The following DLC1 variants were observed in gnomAD, a reference collection of about 807,000 sequenced individuals.
DLC1 encodes DLC1 Rho GTPase activating protein, also known as rho GTPase-activating protein 7.
In DLC1, 54 loss-of-function variants were observed where a neutral mutation model predicts 140.3. The ratio of observed to expected loss-of-function variants is 0.38; its 90% CI spans 0.31 to 0.48. DLC1 has a LOEUF of 0.48. Ranked by LOEUF, DLC1 falls within the 20% of genes least tolerant of loss-of-function variation. DLC1 has a pLI of 0.96. For missense variants in DLC1, 2,536 were observed against 1,907.0 expected (o/e 1.33, Z -6.14); for synonymous variants, 986 against 728.1 (o/e 1.35, Z -5.70).
At chr8:13,202,270 C>A (rs1018289814) in intron 5 of DLC1, among the ~76,000 whole-genome samples, 1 of 151,926 alleles carries the variant, frequency 6.6e-6, no homozygotes, top group African/African-American at 2.4e-5. Flanking sequence ...AAATTTAAAA[C>A]GTTTTAATAA....
chr8:13,350,893 T>C (rs942305409), intron 4 of DLC1, among the ~76,000 whole-genome samples: 14 of 152,320 alleles, frequency 9.2e-5, no homozygotes, highest in African/African-American at 3.4e-4. Flanking sequence ...CTCATTCTTT[T>C]GAGATCTTGT....
intron 5 of DLC1, among the ~76,000 whole-genome samples, chr8:13,251,564 C>G (rs1322550139): frequency 1.3e-5 from 2 of 152,118 alleles, no homozygotes; most frequent in Non-Finnish European, 2.9e-5. Context: ...AGGCAAGGTC[C>G]TTGGATACAG....
At chr8:13,086,990 AC>A (rs977315513) in intron 16 of DLC1, among the ~76,000 whole-genome samples, 7 of 152,034 alleles carry the variant, frequency 4.6e-5, no homozygotes, top group Admixed American at 6.6e-5. Flanking sequence ...ACAAAGTGAT[AC>A]CCCCCCATCT....
intron 5 of DLC1, among the ~76,000 whole-genome samples, chr8:13,123,992 A>G (rs1821342391): frequency 6.6e-6 from 1 of 152,230 alleles, no homozygotes; most frequent in Non-Finnish European, 1.5e-5. Flanking sequence ...TCATGCATAT[A>G]AACACGTGTC....
chr8:13,191,157 A>G (rs1427938781), intron 5 of DLC1, among the ~76,000 whole-genome samples: 2 of 152,244 alleles, frequency 1.3e-5, no homozygotes, highest in African/African-American at 4.8e-5. Context: ...GCCTCTTCGT[A>G]GCCACATGAT....
rs555796835 is a variant in DLC1, at chr8:13,185,288, TTTTGTTTG to T, written c.1349-69639_1349-69632del. Among the ~76,000 whole-genome samples the T allele has an allele frequency of 2.8e-4, 41 of 144,464 alleles. 1 individual carries two copies. Among genetic ancestry groups the T allele is most frequent in the South Asian group, 1.6e-3 (7 of 4,508 alleles). The allele number at this position is 144,464 out of a possible 152,430, so 94.8% of individuals were successfully genotyped here. A position where few individuals can be genotyped will look rare whatever the true frequency, so the allele number is the denominator to read the frequency against. On this transcript the variant is annotated intron_variant, in intron 5 of 17. Coordinates refer to ENST00000276297, the MANE Select transcript of DLC1 (RefSeq NM_182643.3). ...TGCCAGTCTGTGTCTTTTCTGTTTTTTTTGTTTGTTTGTTTGTTTGTTTGTTTGTTTGT... is the reference window on the plus strand; with the variant it reads ...TGCCAGTCTGTGTCTTTTCTGTTTTTTTTGTTTGTTTGTTTGTTTGTTTGT...
chr8:13,564,642 T>G (rs1210791498), intron 1 of DLC1, among the ~76,000 whole-genome samples: 2 of 152,164 alleles, frequency 1.3e-5, no homozygotes, highest in Non-Finnish European at 2.9e-5. Flanking sequence ...GAAAGTTTGC[T>G]TTTCTCCCTC....
intron 1 of DLC1, among the ~76,000 whole-genome samples, chr8:13,538,263 G>A (rs1214178254): frequency 2.0e-5 from 3 of 151,974 alleles, no homozygotes; most frequent in African/African-American, 7.3e-5. Context: ...GATATTGAGT[G>A]TGGCTCAAGC....
intron 1 of DLC1, among the ~76,000 whole-genome samples, chr8:13,534,319 A>G (rs939961981): frequency 6.7e-6 from 1 of 150,298 alleles, no homozygotes; most frequent in Non-Finnish European, 1.5e-5. Context: ...ATTAATAATA[A>G]GAACTGTATT....
intron 4 of DLC1, among the ~76,000 whole-genome samples, chr8:13,323,501 A>G (rs1833211250): frequency 6.6e-6 from 1 of 152,146 alleles, no homozygotes; most frequent in Non-Finnish European, 1.5e-5. Flanking sequence ...TTCTTGCATC[A>G]TTCTTTGCAG....
chr8:13,343,175 C>T (rs1187780665), intron 4 of DLC1, among the ~76,000 whole-genome samples: 1 of 152,162 alleles, frequency 6.6e-6, no homozygotes, highest in Non-Finnish European at 1.5e-5. Context: ...ATTTATGATT[C>T]TTCAGTGATT....
intron 4 of DLC1, among the ~76,000 whole-genome samples, chr8:13,331,862 G>A (rs1833603138): frequency 6.6e-6 from 1 of 152,112 alleles, no homozygotes; most frequent in African/African-American, 2.4e-5. Context: ...CTCACTCCTT[G>A]TTTTAAGTGG....
intron 4 of DLC1, among the ~76,000 whole-genome samples, chr8:13,359,696 A>C (rs1835130873): frequency 6.6e-6 from 1 of 152,220 alleles, no homozygotes; most frequent in Admixed American, 6.5e-5. Context: ...GGAATTTTCA[A>C]AGTATACTTA....
chr8:13,095,149 T>G lies in DLC1; in HGVS notation c.3264A>C (p.Gly1088=). ...GCTGGATGCTCTGAGGCAACGGTTG[T>G]CCTGTGCGCTGCACGTTGACCGTCA... is the stretch of plus-strand genomic sequence containing the variant. The part of the protein sequence containing the change: ...VPLTVNVQRT[G]QPLPQSIQQA... The change falls in exon 11 of 18, where the codon GGA becomes GGC. Residue 1088 remains glycine, a synonymous_variant. Transcript: ENST00000276297. 1 of 1,614,242 alleles carries G rather than the reference T, an allele frequency of 6.2e-7. No homozygotes were observed. Among genetic ancestry groups the G allele is most frequent in the Non-Finnish European group, 8.5e-7 (1 of 1,180,050 alleles).
chr8:13,084,838 G>T lies in DLC1; in HGVS notation c.*973C>A, dbSNP rs537472909. 7.9e-5 allele frequency: 12 copies of T among 152,276 alleles called. No individual in the cohort carries two copies. In the East Asian group the frequency reaches 1.7e-3, roughly 22 times the overall value. 9.4% of individuals were successfully genotyped at this position (152,276 alleles called of 1,614,324 possible). A position where few individuals can be genotyped will look rare whatever the true frequency, so the allele number is the denominator to read the frequency against. On this transcript the variant is annotated 3_prime_UTR_variant, in exon 18 of 18. Transcript: ENST00000276297. ...ATATTCCCAAACATAGTGTCTTAAG[G>T]CGTTTCTGTTACAAACACAAAAATG...
chr8:13,527,161 A>G (rs962169165), intron 1 of DLC1, among the ~76,000 whole-genome samples: 1 of 152,178 alleles, frequency 6.6e-6, no homozygotes, highest in African/African-American at 2.4e-5. Context: ...GCTTTACTCC[A>G]TAGGATACAA....
At chr8:13,365,844 T>C (rs1383536858) in intron 4 of DLC1, among the ~76,000 whole-genome samples, 1 of 152,028 alleles carries the variant, frequency 6.6e-6, no homozygotes, top group Non-Finnish European at 1.5e-5. Flanking sequence ...AAAATAAATA[T>C]ATACAAGGAG....
rs140370298 is a variant in DLC1, at chr8:13,579,792, T to G, written c.-126+24745A>C. 1.4e-3 allele frequency among the ~76,000 whole-genome samples: 213 copies of G among 151,776 alleles called. 1 individual carries two copies. The highest frequency in any genetic ancestry group is 4.9e-3 in the African/African-American group (202 of 41,374). On this transcript the variant is annotated intron_variant, in intron 1 of 1. Transcript: ENST00000631382. ...TGTAGTGTCCTAGTGAGCCCACTGC[T>G]TTTAGAAGTGTGGCCCTCTGCATAG...
At chr8:13,552,536 C>G (rs1803901928) in intron 1 of DLC1, among the ~76,000 whole-genome samples, 1 of 151,166 alleles carries the variant, frequency 6.6e-6, no homozygotes, top group Non-Finnish European at 1.5e-5. Context: ...ACCTTAAAAA[C>G]ATGAGTGAAT....
Sources: gnomAD v4.1 joint callset for allele counts (sites outside exome capture counted in the v4.1 genomes callset) on GRCh38, gnomAD v4.1.1 for gene constraint, MANE v1.5 for transcripts, NCBI Gene and HGNC (gene_info 2026-07-23, HGNC 2026-07-21) for gene names.